Variants in RTL4 observed in about 807,000 individuals in gnomAD.
RTL4 encodes the protein retrotransposon Gag-like protein 4.
Under a neutral mutation model 5.3 loss-of-function variants are expected in RTL4, and 4 were observed. The ratio of observed to expected loss-of-function variants is 0.75; its 90% CI spans 0.37 to 1.72. The LOEUF (loss-of-function observed/expected upper bound fraction) is 1.72. RTL4 is among the 40% of genes most tolerant of loss of function. The pLI, the probability that RTL4 is intolerant of heterozygous loss-of-function variation, is 0.04. For synonymous variants in RTL4, 98 were observed against 87.3 expected, an observed-to-expected ratio of 1.12 and a Z score of -0.68; for missense variants, 260 against 227.1, an observed-to-expected ratio of 1.14 and a Z score of -0.93.
the RTL4 span, among the ~76,000 whole-genome samples, chrX:112,275,005 A>G: frequency 3.6e-5 from 4 of 111,010 alleles, no homozygotes; most frequent in South Asian, 1.6e-3. Context: ...TTTATAGACA[A>G]TAAAACTGAG....
At chrX:112,267,489 A>G in the RTL4 span, among the ~76,000 whole-genome samples, 1 of 110,925 alleles carries the variant, frequency 9.0e-6, no homozygotes, top group Admixed American at 9.6e-5. Flanking sequence ...CTGTCCTCCA[A>G]TCTCTGTGAT....
the RTL4 span, among the ~76,000 whole-genome samples, chrX:112,183,857 T>C: frequency 8.9e-6 from 1 of 111,978 alleles, no homozygotes; most frequent in Non-Finnish European, 1.9e-5. Context: ...CCACATTTTC[T>C]TAATCCAGTC....
the RTL4 span, among the ~76,000 whole-genome samples, chrX:112,138,464 C>T: frequency 0.012 from 1,302 of 111,174 alleles, 20 homozygotes; most frequent in Middle Eastern, 0.024. Flanking sequence ...GTGATAGATA[C>T]GTTTATGCAA....
the RTL4 span, among the ~76,000 whole-genome samples, chrX:112,132,276 A>C: frequency 4.5e-5 from 5 of 111,794 alleles, no homozygotes; most frequent in East Asian, 2.8e-4. Context: ...CAATTTGATT[A>C]GTGTGCTTTG....
chrX:112,284,580 A>G, the RTL4 span, among the ~76,000 whole-genome samples: 1 of 111,585 alleles, frequency 9.0e-6, no homozygotes, highest in Non-Finnish European at 1.9e-5. Flanking sequence ...GAAAAGCCCA[A>G]GTACCATTCT....
At chrX:112,189,037 A>G in the RTL4 span, among the ~76,000 whole-genome samples, 2 of 111,257 alleles carry the variant, frequency 1.8e-5, no homozygotes, top group African/African-American at 3.3e-5. Context: ...GCTAGTGTGT[A>G]AACTCTGAAA....
chrX:112,130,353 C>T, the RTL4 span, among the ~76,000 whole-genome samples: 1 of 106,252 alleles, frequency 9.4e-6, no homozygotes, highest in East Asian at 3.0e-4. Context: ...TCAGTTTTTG[C>T]CAGCATCCAT....
chrX:112,225,233 C>T, the RTL4 span, among the ~76,000 whole-genome samples: 1 of 111,446 alleles, frequency 9.0e-6, no homozygotes, highest in African/African-American at 3.3e-5. Context: ...ACCTCTTTTT[C>T]AAGACTAAAC....
chrX:112,391,796 C>A, the RTL4 span, among the ~76,000 whole-genome samples: 2 of 111,161 alleles, frequency 1.8e-5, no homozygotes, highest in African/African-American at 6.6e-5. Context: ...CTGCCCACTG[C>A]AGCTCTAGGT....
chrX:112,301,379 G>A, the RTL4 span, among the ~76,000 whole-genome samples: 18 of 112,219 alleles, frequency 1.6e-4, no homozygotes, highest in African/African-American at 3.9e-4. Context: ...AAGGTTAACC[G>A]AAATAATGGC....
At chrX:112,244,791 G>A in the RTL4 span, among the ~76,000 whole-genome samples, 1 of 111,660 alleles carries the variant, frequency 9.0e-6, no homozygotes, top group Non-Finnish European at 1.9e-5. Flanking sequence ...TCCTAGCATC[G>A]ATGGTCTTTC....
chrX:112,349,410 G>A, the RTL4 span, among the ~76,000 whole-genome samples: 72 of 111,253 alleles, frequency 6.5e-4, 2 homozygotes, highest in Admixed American at 5.6e-3. Flanking sequence ...AGAGGTTTTG[G>A]TAGCTTGATG....
At chrX:112,446,813 A>G in the RTL4 span, among the ~76,000 whole-genome samples, 4 of 112,003 alleles carry the variant, frequency 3.6e-5, no homozygotes, top group Non-Finnish European at 7.5e-5. Flanking sequence ...GCTCCATTGC[A>G]CTTCACCTAG....
the RTL4 span, among the ~76,000 whole-genome samples, chrX:112,257,913 A>C: frequency 0.21 from 22,067 of 106,125 alleles, 2,207 homozygotes; most frequent in Non-Finnish European, 0.31. Context: ...ACACATATAT[A>C]TATAAACTAA....
the RTL4 span, among the ~76,000 whole-genome samples, chrX:112,367,224 C>T: frequency 9.0e-6 from 1 of 111,479 alleles, no homozygotes; most frequent in Non-Finnish European, 1.9e-5. Context: ...AGAAAGAGAA[C>T]AGAGCATCAA....
chrX:112,128,353 G>A, the RTL4 span, among the ~76,000 whole-genome samples: 9 of 111,341 alleles, frequency 8.1e-5, no homozygotes, highest in Admixed American at 2.9e-4. Flanking sequence ...GGCGTGACTG[G>A]ATATCCACGT....
chrX:112,237,748 T>C, the RTL4 span, among the ~76,000 whole-genome samples: 1 of 112,140 alleles, frequency 8.9e-6, no homozygotes, highest in Non-Finnish European at 1.9e-5. Flanking sequence ...GAGCGTTACC[T>C]GTATATTATT....
the RTL4 span, among the ~76,000 whole-genome samples, chrX:112,236,438 T>G: frequency 1.3e-5 from 1 of 79,133 alleles, no homozygotes; most frequent in Non-Finnish European, 2.3e-5. Context: ...GATATAGATC[T>G]ATATCTATAT....
At chrX:112,212,426 A>G in the RTL4 span, among the ~76,000 whole-genome samples, 1 of 112,677 alleles carries the variant, frequency 8.9e-6, no homozygotes, top group Non-Finnish European at 1.9e-5. Flanking sequence ...TGCAGTGCCT[A>G]GGTCAGTTCT....
Sources: allele counts gnomAD v4.1 joint callset (sites outside exome capture counted in the v4.1 genomes callset), GRCh38; gene constraint gnomAD v4.1.1; transcripts MANE v1.5; gene names NCBI Gene and HGNC (gene_info 2026-07-23, HGNC 2026-07-21).